Variants in PRKN observed in about 807,000 individuals in gnomAD.
The protein encoded by PRKN is E3 ubiquitin-protein ligase parkin.
A neutral mutation model predicts 59.5 loss-of-function variants in PRKN; 56 were observed. The ratio of observed to expected loss-of-function variants is 0.94; its 90% CI spans 0.76 to 1.18. The LOEUF (loss-of-function observed/expected upper bound fraction) is 1.18. Ranked by LOEUF, PRKN falls within the 50% of genes most tolerant of loss-of-function variation. PRKN has a pLI of 0.00. For missense variants in PRKN, 657 were observed against 596.4 expected (o/e 1.10, Z -1.06); for synonymous variants, 250 against 222.1 (o/e 1.13, Z -1.12).
chr6:161,349,556 T>C lies in PRKN; in HGVS notation c.*543A>G. The C allele has an allele frequency of 4.3e-6, 1 of 234,660 alleles. No homozygotes were observed. The highest frequency in any genetic ancestry group is 8.4e-6 in the Non-Finnish European group (1 of 118,964). 14.5% of individuals were successfully genotyped at this position (234,660 alleles called of 1,614,324 possible). On this transcript the variant is annotated 3_prime_UTR_variant, in exon 12 of 12. Coordinates refer to ENST00000366898, the MANE Select transcript of PRKN (RefSeq NM_004562.3). This position sits in a 1 kb window ranked among gnomAD's most constrained non-coding sequence, Gnocchi z 5.5. ...TTTGGGAATAGATGCTTTCTGAAAA[T>C]TTAAATAAGAACATTACTGTTAAAG... is the stretch of plus-strand genomic sequence containing the variant.
At chr6:161,453,706 G>A (rs1005486073) in intron 9 of PRKN, among the ~76,000 whole-genome samples, 6 of 149,532 alleles carry the variant, frequency 4.0e-5, no homozygotes, top group Non-Finnish European at 7.4e-5. Context: ...AATGCACAAC[G>A]GTCGGTCCAT....
rs1402461949 is a variant in PRKN, at chr6:161,372,778, C to T, written c.1168-12573G>A. On this transcript the variant is annotated intron_variant, in intron 10 of 11. Coordinates refer to ENST00000366898, the MANE Select transcript of PRKN (RefSeq NM_004562.3). This position sits in a 1 kb window ranked among gnomAD's most constrained non-coding sequence, Gnocchi z 4.2. ...TGCAGAGCTTCGGAGAACTACTGCTCGCAGAAGGTCTACATACACTGTGGT... is the reference window on the plus strand; with the variant it reads ...TGCAGAGCTTCGGAGAACTACTGCTTGCAGAAGGTCTACATACACTGTGGT... Among the ~76,000 whole-genome samples the T allele has an allele frequency of 2.0e-5, 3 of 151,452 alleles. No homozygotes were observed. Among genetic ancestry groups the T allele is most frequent in the African/African-American group, 7.3e-5 (3 of 41,174 alleles).
chr6:161,658,499 GTGTAC>G (rs1267963102), intron 7 of PRKN, among the ~76,000 whole-genome samples: 1 of 152,178 alleles, frequency 6.6e-6, no homozygotes, highest in Admixed American at 6.5e-5. Context: ...CAGCGGGAGA[GTGTAC>G]TTTAGAGGAA....
In PRKN at chr6:162,056,559, T is replaced by C. The variant is rs953977831; in HGVS notation, c.535-2385A>G. Among the ~76,000 whole-genome samples, 5 of 152,180 alleles carry C rather than the reference T, an allele frequency of 3.3e-5. No individual in the cohort carries two copies. Among genetic ancestry groups the C allele is most frequent in the Non-Finnish European group, 7.4e-5 (5 of 68,000 alleles). ...CAAAGGCCACCGCTTAATATGGAGG[T>C]AAATTTGCAGAAGAGTTCTAGCAGG... On this transcript the variant is annotated intron_variant, in intron 4 of 11. Transcript: ENST00000366898. The surrounding 1 kb of genome is among the most constrained non-coding windows in gnomAD (Gnocchi z 4.9).
intron 6 of PRKN, among the ~76,000 whole-genome samples, chr6:161,837,809 T>C: frequency 6.6e-6 from 1 of 152,186 alleles, no homozygotes; most frequent in Non-Finnish European, 1.5e-5. Flanking sequence ...ACATCTGTAA[T>C]TTGCATTGTA....
At position 162,018,308 on chromosome 6, in the gene PRKN, G is replaced by A. The variant is rs551517902; in HGVS notation, c.618+35783C>T. On this transcript the variant is annotated intron_variant, in intron 5 of 11. Coordinates refer to ENST00000366898, the MANE Select transcript of PRKN (RefSeq NM_004562.3). ...CCCAAAGTGCTGGGATTACAGGCGT[G>A]AGCCACCGCGCCCGGCCCATAATAA... Among the ~76,000 whole-genome samples the A allele has an allele frequency of 6.6e-5, 10 of 152,308 alleles. No homozygotes were observed. In the East Asian group the frequency reaches 1.4e-3, roughly 21 times the overall value.
chr6:162,577,069 T>C (rs1366551301), intron 1 of PRKN, among the ~76,000 whole-genome samples: 11 of 151,952 alleles, frequency 7.2e-5, no homozygotes, highest in Non-Finnish European at 1.3e-4. Flanking sequence ...TGCCAAAACA[T>C]ACACAAAAAC....
chr6:162,432,291 G>C (rs1368307288), intron 2 of PRKN, among the ~76,000 whole-genome samples: 1 of 152,142 alleles, frequency 6.6e-6, no homozygotes, highest in Non-Finnish European at 1.5e-5. Context: ...ACTTTGGGAG[G>C]CCGAGGCAGA....
chr6:161,834,896 C>T (rs538093433), intron 6 of PRKN, among the ~76,000 whole-genome samples: 4 of 152,158 alleles, frequency 2.6e-5, no homozygotes, highest in Non-Finnish European at 5.9e-5. Context: ...GGATGAGCCA[C>T]CCCACCTAGC....
At chr6:161,867,763 T>TTATGTATTTATG in intron 6 of PRKN, among the ~76,000 whole-genome samples, 1 of 150,608 alleles carries the variant, frequency 6.6e-6, no homozygotes, top group African/African-American at 2.4e-5. Flanking sequence ...ATTTATTTAT[T>TTATGTATTTATG]TATTTATTTA....
chr6:162,525,135 G>A (rs1778228507), intron 1 of PRKN, among the ~76,000 whole-genome samples: 1 of 152,064 alleles, frequency 6.6e-6, no homozygotes, highest in African/African-American at 2.4e-5. Context: ...GGCTCCAAGC[G>A]CCAGTTAGTC....
At chr6:162,076,197 G>A (rs1778820796) in intron 4 of PRKN, among the ~76,000 whole-genome samples, 1 of 151,984 alleles carries the variant, frequency 6.6e-6, no homozygotes, top group African/African-American at 2.4e-5. Flanking sequence ...TCGAACTCCT[G>A]ACCTCAAGTG....
intron 1 of PRKN, among the ~76,000 whole-genome samples, chr6:162,614,324 C>T (rs576848096): frequency 6.6e-6 from 1 of 152,190 alleles, no homozygotes; most frequent in African/African-American, 2.4e-5. Context: ...AGTTTTGTGC[C>T]ATAAACCTGT....
In PRKN at chr6:161,897,966, CA is replaced by C. The variant is rs55714271; in HGVS notation, c.734+75335del. 1.4e-3 allele frequency among the ~76,000 whole-genome samples: 53 copies of C among 38,298 alleles called. 8 individuals carry two copies. Among genetic ancestry groups the C allele is most frequent in the South Asian group, 1.0e-2 (9 of 902 alleles). 25.1% of individuals were successfully genotyped at this position (38,298 alleles called of 152,430 possible). On this transcript the variant is annotated intron_variant, in intron 6 of 11. Transcript: ENST00000366898. ...TGGGTGACAGAGCGAGACTCCGTCT[CA>C]AAAAAAAAAAAAAAAAAGTCTCCCA...
intron 4 of PRKN, among the ~76,000 whole-genome samples, chr6:162,186,191 A>G (rs1031431634): frequency 4.4e-4 from 67 of 152,190 alleles, no homozygotes; most frequent in Admixed American, 1.1e-3. Context: ...ATGTAATAGA[A>G]TATTAAATTG....
chr6:162,551,372 C>T (rs2128203683), intron 1 of PRKN, among the ~76,000 whole-genome samples: 1 of 152,274 alleles, frequency 6.6e-6, no homozygotes, highest in South Asian at 2.1e-4. Flanking sequence ...ATAAGAGCTA[C>T]AAAAGAATAT....
At chr6:161,776,535 C>T (rs2128204414) in intron 7 of PRKN, among the ~76,000 whole-genome samples, 1 of 152,276 alleles carries the variant, frequency 6.6e-6, no homozygotes, top group African/African-American at 2.4e-5. Flanking sequence ...GCTACAGACT[C>T]CCATTGAAAA....
intron 1 of PRKN, among the ~76,000 whole-genome samples, chr6:162,644,971 G>A (rs2849549): frequency 0.61 from 93,195 of 151,952 alleles, 29,301 homozygotes; most frequent in African/African-American, 0.75. Context: ...TTAGAATATA[G>A]TAATAGTCAT....
intron 3 of PRKN, among the ~76,000 whole-genome samples, chr6:162,250,940 C>CT (rs1779408361): frequency 6.6e-6 from 1 of 152,032 alleles, no homozygotes. Context: ...TCTTCAATAA[C>CT]TTTTTTGTCT....
Sources: allele counts gnomAD v4.1 joint callset (sites outside exome capture counted in the v4.1 genomes callset), GRCh38; gene constraint gnomAD v4.1.1; non-coding constraint Gnocchi (gnomAD v3.1); transcripts MANE v1.5; gene names NCBI Gene and HGNC (gene_info 2026-07-23, HGNC 2026-07-21).